GRIP1: variants seen among roughly 807,000 people sequenced by gnomAD.
GRIP1 encodes the protein glutamate receptor interacting protein 1.
A neutral mutation model predicts 129.9 loss-of-function variants in GRIP1; 45 were observed. The ratio of observed to expected loss-of-function variants is 0.35; its 90% confidence interval spans 0.27 to 0.44. The LOEUF is 0.44. Among genes scored for constraint, GRIP1 ranks in the 20% least tolerant of loss-of-function variants. The pLI, the probability that GRIP1 is intolerant of heterozygous loss-of-function variation, is 1.00. For synonymous variants in GRIP1, 530 were observed against 520.8 expected, an observed-to-expected ratio of 1.02 and a Z score of -0.24; for missense variants, 1,196 against 1,396.8, an observed-to-expected ratio of 0.86 and a Z score of 2.29.
At chr12:67,007,759 C>T (rs1336531861) in intron 1 of GRIP1, among the ~76,000 whole-genome samples, 2 of 152,140 alleles carry the variant, frequency 1.3e-5, no homozygotes, top group African/African-American at 2.4e-5. Context: ...TCTTGCCACA[C>T]AAATCAAAGA....
chr12:66,396,846 C>T (rs2056808163), intron 16 of GRIP1, among the ~76,000 whole-genome samples: 1 of 152,126 alleles, frequency 6.6e-6, no homozygotes, highest in Non-Finnish European at 1.5e-5. Context: ...TGCAGTGGCT[C>T]ACACCTGTAA....
intron 2 of GRIP1, among the ~76,000 whole-genome samples, chr12:66,585,271 G>A (rs1345859830): frequency 3.6e-4 from 31 of 85,026 alleles, no homozygotes; most frequent in Admixed American, 8.5e-4. Flanking sequence ...CCCCACCACC[G>A]TCCCCAGAGT....
At chr12:66,527,042 A>G (rs1192646869) in intron 5 of GRIP1, among the ~76,000 whole-genome samples, 1 of 143,146 alleles carries the variant, frequency 7.0e-6, no homozygotes, top group Admixed American at 6.9e-5. Flanking sequence ...GCTGGAGAGG[A>G]TGTGGAGAAA....
intron 1 of GRIP1, among the ~76,000 whole-genome samples, chr12:66,838,607 CAGTGACTGGGTTAAAATAA>C (rs2039659787): frequency 2.0e-5 from 3 of 152,144 alleles, no homozygotes; most frequent in Admixed American, 2.0e-4. Context: ...TGTTTGGGAT[CAGTGACTGGGTTAAAATAA>C]TAGTAGAGAA....
intron 1 of GRIP1, among the ~76,000 whole-genome samples, chr12:66,748,025 G>T (rs1024975673): frequency 6.6e-6 from 1 of 151,812 alleles, no homozygotes; most frequent in South Asian, 2.1e-4. Flanking sequence ...GTGTGTGTGT[G>T]TATTTTTTTT....
At chr12:66,566,600 C>T (rs1423388601) in intron 2 of GRIP1, among the ~76,000 whole-genome samples, 6 of 151,902 alleles carry the variant, frequency 3.9e-5, no homozygotes, top group African/African-American at 1.5e-4. Context: ...TTGTTGTGTC[C>T]TTGCCAGGCT....
intron 1 of GRIP1, among the ~76,000 whole-genome samples, chr12:66,721,590 A>G (rs1399213197): frequency 6.6e-6 from 1 of 152,176 alleles, no homozygotes; most frequent in African/African-American, 2.4e-5. Flanking sequence ...TGGAATGGTA[A>G]GTAAGCATTG....
At chr12:66,951,206 TAGC>T (rs2041751578) in intron 1 of GRIP1, among the ~76,000 whole-genome samples, 1 of 152,242 alleles carries the variant, frequency 6.6e-6, no homozygotes, top group African/African-American at 2.4e-5. Context: ...ACTATATTAA[TAGC>T]AGAATATAAA....
intron 1 of GRIP1, among the ~76,000 whole-genome samples, chr12:66,933,555 A>C (rs954462648): frequency 6.6e-6 from 1 of 152,172 alleles, no homozygotes; most frequent in African/African-American, 2.4e-5. Context: ...CATCCAAAAA[A>C]ATTTAATTGA....
intron 1 of GRIP1, among the ~76,000 whole-genome samples, chr12:66,780,042 G>A (rs2136779145): frequency 6.6e-6 from 1 of 152,274 alleles, no homozygotes; most frequent in East Asian, 1.9e-4. Context: ...CATTTGGGGT[G>A]TACTTGGGTA....
chr12:66,923,184 T>TA (rs2041241277), intron 1 of GRIP1, among the ~76,000 whole-genome samples: 1 of 152,262 alleles, frequency 6.6e-6, no homozygotes, highest in Admixed American at 6.5e-5. Flanking sequence ...ACTTCCTTTT[T>TA]AAAAAACTTG....
chr12:67,015,759 T>C (rs2042776914), intron 1 of GRIP1, among the ~76,000 whole-genome samples: 1 of 152,210 alleles, frequency 6.6e-6, no homozygotes, highest in African/African-American at 2.4e-5. Context: ...CTTGAATTTC[T>C]ACAGGAGGAG....
At chr12:66,478,974 C>T (rs2059713576) in intron 7 of GRIP1, among the ~76,000 whole-genome samples, 1 of 151,638 alleles carries the variant, frequency 6.6e-6, no homozygotes, top group Admixed American at 6.6e-5. Context: ...CACAAATATA[C>T]ATATGTAACA....
chr12:66,776,059 A>C (rs917369876), intron 1 of GRIP1, among the ~76,000 whole-genome samples: 1 of 152,208 alleles, frequency 6.6e-6, no homozygotes, highest in Admixed American at 6.5e-5. Flanking sequence ...CCTCTGTCCA[A>C]ATCCAGTTGC....
intron 5 of GRIP1, among the ~76,000 whole-genome samples, chr12:66,528,766 T>G (rs2061348338): frequency 6.6e-6 from 1 of 152,202 alleles, no homozygotes; most frequent in Admixed American, 6.6e-5. Flanking sequence ...TTTTGCTCTG[T>G]ATTAATGAAC....
chr12:66,979,953 AAGG>A (rs2042220161), intron 1 of GRIP1, among the ~76,000 whole-genome samples: 1 of 152,128 alleles, frequency 6.6e-6, no homozygotes, highest in Non-Finnish European at 1.5e-5. Context: ...TCCAGAACTG[AAGG>A]AGAAGAAATG....
Position 66,347,786 on chromosome 12 carries a change from G to A in GRIP1, c.*1233C>T, listed in dbSNP as rs768587640. 4 of 151,926 alleles carry A rather than the reference G, an allele frequency of 2.6e-5. No individual in the cohort carries two copies. Among genetic ancestry groups the A allele is most frequent in the Non-Finnish European group, 4.4e-5 (3 of 67,990 alleles). The allele number at this position is 151,926 out of a possible 1,614,324, so 9.4% of individuals were successfully genotyped here. On this transcript the variant is annotated 3_prime_UTR_variant, in exon 25 of 25. Coordinates refer to ENST00000359742, the MANE Select transcript of GRIP1 (RefSeq NM_001366722.1). ...TTTTTTTATATTTCCTTAAACAAAG[G>A]ACACAGTGTTCGAATACTTTGCCTA...
Position 66,456,293 on chromosome 12 carries a change from G to T in GRIP1, c.1092C>A (p.Ser364Arg). The T allele has an allele frequency of 7.8e-7, 1 of 1,289,200 alleles. No individual in the cohort carries two copies. The highest frequency in any genetic ancestry group is 1.0e-6 in the Non-Finnish European group (1 of 988,104). The allele number at this position is 1,289,200 out of a possible 1,614,324, so 79.9% of individuals were successfully genotyped here. ...GGTTGGTGTGAAGGCTGCTGTGGTT[G>T]CTGGCCCAGGAATCCCAGGTAAGTT... Reference protein sequence around the residue: ...DRQLTWDSWASNHSSLHTNHH... With the variant: ...DRQLTWDSWARNHSSLHTNHH... The change falls in exon 10 of 25, where the codon AGC (serine) becomes AGA (arginine). Residue 364 changes from serine to arginine, a missense_variant. Physicochemically the swap from Ser to Arg is moderately radical, Grantham distance 110. Transcript: ENST00000359742.
chr12:66,746,914 G>C (rs1309983014), intron 1 of GRIP1, among the ~76,000 whole-genome samples: 1 of 152,192 alleles, frequency 6.6e-6, no homozygotes, highest in African/African-American at 2.4e-5. Context: ...GCAGGCCACT[G>C]CTAGCAGAAC....
Sources: gnomAD v4.1 joint callset for allele counts (sites outside exome capture counted in the v4.1 genomes callset) on GRCh38, gnomAD v4.1.1 for gene constraint, MANE v1.5 for transcripts, NCBI Gene and HGNC (gene_info 2026-07-23, HGNC 2026-07-21) for gene names.